Variants in VWDE observed in about 807,000 individuals in gnomAD.
VWDE encodes the protein von Willebrand factor D and EGF domains.
In VWDE, 207 loss-of-function variants were observed where a neutral mutation model predicts 178.4. The observed-to-expected ratio is 1.16, with a 90% CI of 1.04 to 1.30. VWDE has a LOEUF of 1.30. Ranked by LOEUF, VWDE falls within the 50% of genes most tolerant of loss-of-function variation. The pLI, the probability that VWDE is intolerant of heterozygous loss-of-function variation, is 0.00. For synonymous variants in VWDE, 738 were observed against 651.4 expected (o/e 1.13, Z -2.02); for missense variants, 2,287 against 1,901.3 (o/e 1.20, Z -3.77).
At chr7:12,337,374 G>T (rs2128545058) in intron 24 of VWDE, 102 bp from the exon 25 acceptor site, 2 of 967,000 alleles carry the variant, frequency 2.1e-6, no homozygotes, top group Non-Finnish European at 3.2e-6. Flanking sequence ...ATAAGGCAGA[G>T]AAATGTGCTA....
intron 9 of VWDE, 105 bp from the exon 10 acceptor site, chr7:12,373,352 G>C (rs1783322061): frequency 8.4e-7 from 1 of 1,196,064 alleles, no homozygotes; most frequent in Admixed American, 2.3e-5. Context: ...TTTGTTGTAT[G>C]CACTGAAGGA....
At chr7:12,358,071 CA>C (rs1334223705) in intron 16 of VWDE, among the ~76,000 whole-genome samples, 5 of 152,068 alleles carry the variant, frequency 3.3e-5, no homozygotes, top group African/African-American at 4.8e-5. Context: ...GCTGAGTGCA[CA>C]CACTAAAAAA....
At chr7:12,366,703 T>G (rs1425988800) in intron 13 of VWDE, among the ~76,000 whole-genome samples, 4 of 152,104 alleles carry the variant, frequency 2.6e-5, no homozygotes, top group Non-Finnish European at 5.9e-5. Flanking sequence ...AAGAAGAATA[T>G]TATAATGTGG....
intron 19 of VWDE, among the ~76,000 whole-genome samples, chr7:12,345,013 A>G (rs73294389): frequency 0.017 from 2,591 of 152,068 alleles, 66 homozygotes; most frequent in African/African-American, 0.059. Context: ...GCACTCCAAA[A>G]CTCTGTTTTC....
intron 19 of VWDE, among the ~76,000 whole-genome samples, chr7:12,347,613 T>C (rs1210315740): frequency 3.3e-5 from 5 of 152,040 alleles, no homozygotes; most frequent in Non-Finnish European, 5.9e-5. Flanking sequence ...TTAAATAAAA[T>C]ATATGATATT....
chr7:12,336,778 A>C (rs1428396531), intron 26 of VWDE, among the ~76,000 whole-genome samples: 1 of 152,200 alleles, frequency 6.6e-6, no homozygotes, highest in Non-Finnish European at 1.5e-5. Flanking sequence ...GAAAAATACA[A>C]GATATCCTCT....
chr7:12,387,059 T>G (rs1784133261), intron 3 of VWDE, among the ~76,000 whole-genome samples: 1 of 152,168 alleles, frequency 6.6e-6, no homozygotes. Context: ...ATTTCTTTTT[T>G]AAAGATAGAA....
intron 1 of VWDE, 124 bp from the exon 2 acceptor site, chr7:12,393,902 A>T: frequency 1.4e-6 from 1 of 720,588 alleles, no homozygotes; most frequent in Admixed American, 3.4e-5. Flanking sequence ...GCACATAAAG[A>T]CCCTCTGAAA....
intron 19 of VWDE, among the ~76,000 whole-genome samples, chr7:12,346,623 G>T (rs972739009): frequency 6.7e-6 from 1 of 149,264 alleles, no homozygotes; most frequent in Non-Finnish European, 1.5e-5. Flanking sequence ...TGGCGGGGGC[G>T]GGGGGGATCA....
At chr7:12,367,630 T>A in intron 12 of VWDE, 137 bp from the exon 13 acceptor site, 2 of 636,540 alleles carry the variant, frequency 3.1e-6, no homozygotes, top group East Asian at 3.2e-5. Flanking sequence ...CTTACAACAC[T>A]AATTAAGCCA....
chr7:12,335,937 A>C lies in VWDE; in HGVS notation c.4654+204T>G, dbSNP rs185514837. 4.5e-3 allele frequency among the ~76,000 whole-genome samples: 687 copies of C among 152,308 alleles called. 7 individuals carry two copies. Among genetic ancestry groups the C allele is most frequent in the Non-Finnish European group, 6.0e-3 (410 of 68,026 alleles). ...TTGAAATTATCTCTTCACACAAACT[A>C]TTAATATATTATACTACACTTTTTT... On this transcript the variant is annotated intron_variant, in intron 27 of 28. Transcript: ENST00000275358.
At position 12,389,236 on chromosome 7, in the gene VWDE, A is replaced by G. The variant is rs766295109; in HGVS notation, c.366T>C (p.Thr122=). 3 of 1,551,708 alleles carry G rather than the reference A, an allele frequency of 1.9e-6. No individual in the cohort carries two copies. In the South Asian group the frequency reaches 3.6e-5, roughly 18 times the overall value. The change falls in exon 3 of 29, where the codon ACT becomes ACC. Residue 122 remains threonine, a synonymous_variant. Coordinates refer to ENST00000275358, the MANE Select transcript of VWDE (RefSeq NM_001135924.3). ...TTTGAAAGAGACAGCAGTCTTTTGTAGTGCTGAACAAAAACTGCCATGTTG... is the reference window on the plus strand; with the variant it reads ...TTTGAAAGAGACAGCAGTCTTTTGTGGTGCTGAACAAAAACTGCCATGTTG... ...ACATWQFLFS[T]TKDCCLFQIP... is the part of the protein sequence containing the mutation.
At chr7:12,332,373 AAGC>A (rs1405108495) in intron 28 of VWDE, among the ~76,000 whole-genome samples, 5 of 152,078 alleles carry the variant, frequency 3.3e-5, no homozygotes, top group African/African-American at 1.2e-4. Context: ...GCATTCTTAG[AAGC>A]AGCATTAATG....
At position 12,337,217 on chromosome 7, in the gene VWDE, G is replaced by C. The variant is rs576821719; in HGVS notation, c.4422C>G (p.Cys1474Trp). Residue 1474 changes from cysteine to tryptophan, a missense_variant, in exon 25 of 29, where the codon TGC (cysteine) becomes TGG (tryptophan). Physicochemically the swap from Cys to Trp is radical, Grantham distance 215. Coordinates refer to ENST00000275358, the MANE Select transcript of VWDE (RefSeq NM_001135924.3). ...TACCAGTGTATCCTTCACGACAGAC[G>C]CACACATTATTTCTCATGCAGTGGC... is the stretch of plus-strand genomic sequence containing the variant. ...NGGHCMRNNV[C>W]VCREGYTGRR... The C allele has an allele frequency of 6.4e-6, 10 of 1,551,910 alleles. No homozygotes were observed. The African/African-American group carries it at 1.2e-4, about 19-fold the overall frequency.
chr7:12,356,349 G>C lies in VWDE; in HGVS notation c.3526-19C>G. The C allele has an allele frequency of 6.5e-7, 1 of 1,529,314 alleles. No individual in the cohort carries two copies. Among genetic ancestry groups the C allele is most frequent in the Non-Finnish European group, 8.9e-7 (1 of 1,129,634 alleles). The allele number at this position is 1,529,314 out of a possible 1,614,324, so 94.7% of individuals were successfully genotyped here. ...CAGTCACCTACAAAACAAAAAAAAA[G>C]GAAATGTCTTATTTTTCAATAAAAT... On this transcript the variant is annotated intron_variant, in intron 17 of 28. Transcript: ENST00000275358.
chr7:12,344,549 G>A (rs1018593644), intron 19 of VWDE, 80 bp from the exon 20 acceptor site: 38 of 1,134,798 alleles, frequency 3.3e-5, no homozygotes, highest in Non-Finnish European at 4.4e-5. Context: ...TATGATAGAA[G>A]CAAAAGTCTC....
intron 13 of VWDE, among the ~76,000 whole-genome samples, chr7:12,365,909 T>C (rs1782833679): frequency 6.6e-6 from 1 of 152,044 alleles, no homozygotes; most frequent in Non-Finnish European, 1.5e-5. Context: ...TCCGCCCAAA[T>C]CTCATCTCGA....
chr7:12,393,686 G>C lies in VWDE; in HGVS notation c.151C>G (p.Gln51Glu). 6.4e-7 allele frequency: 1 copy of C among 1,551,228 alleles called. No individual in the cohort carries two copies. Among genetic ancestry groups the C allele is most frequent in the Non-Finnish European group, 8.7e-7 (1 of 1,146,670 alleles). ...DSWHLQQSAVQDLICDHSLSP... is the reference protein window; with the variant it reads ...DSWHLQQSAVEDLICDHSLSP... ...AGGGAATGGTCACATATTAGGTCTT[G>C]AACAGCTGACTGCTGGAGGTGCCAT... The change falls in exon 2 of 29, where the codon CAA (glutamine) becomes GAA (glutamate). Residue 51 changes from glutamine to glutamate, a missense_variant. Coordinates refer to ENST00000275358, the MANE Select transcript of VWDE (RefSeq NM_001135924.3).
chr7:12,364,031 A>C (rs572764134), intron 13 of VWDE, among the ~76,000 whole-genome samples: 1 of 152,028 alleles, frequency 6.6e-6, no homozygotes, highest in East Asian at 1.9e-4. Flanking sequence ...ATATACATTT[A>C]GATTGAGAAA....
Sources: allele counts gnomAD v4.1 joint callset (sites outside exome capture counted in the v4.1 genomes callset), GRCh38; gene constraint gnomAD v4.1.1; transcripts MANE v1.5; gene names NCBI Gene and HGNC (gene_info 2026-07-23, HGNC 2026-07-21).